The following NBDY variants were observed in gnomAD, a reference collection of about 807,000 sequenced individuals.
NBDY encodes P-body dissociating protein.
chrX:56,781,047 G>T (rs1449628048), intron 2 of NBDY, among the ~76,000 whole-genome samples: 1 of 111,192 alleles, frequency 9.0e-6, no homozygotes, highest in African/African-American at 3.3e-5. Flanking sequence ...CCCTCCTTTT[G>T]TGCCTTGGGA....
intron 2 of NBDY, among the ~76,000 whole-genome samples, chrX:56,754,794 C>G (rs866468777): frequency 9.2e-6 from 1 of 109,244 alleles, no homozygotes; most frequent in Non-Finnish European, 1.9e-5. Context: ...AAAATAATAG[C>G]AAAACAAACC....
chrX:56,781,367 G>C (rs1341002018), intron 2 of NBDY, among the ~76,000 whole-genome samples: 1 of 111,825 alleles, frequency 8.9e-6, no homozygotes, highest in African/African-American at 3.3e-5. Flanking sequence ...GATGGAGTGT[G>C]CGGGATGGGG....
chrX:56,732,298 A>T, intron 2 of NBDY, 99 bp downstream of exon 2: 1 of 286,287 alleles, frequency 3.5e-6, no homozygotes, highest in Non-Finnish European at 6.1e-6. Context: ...AAAAGATAGC[A>T]GCAAATGATA....
At chrX:56,763,048 A>G (rs902928273) in intron 2 of NBDY, among the ~76,000 whole-genome samples, 7 of 112,394 alleles carry the variant, frequency 6.2e-5, no homozygotes, top group Non-Finnish European at 1.1e-4. Context: ...AACAGGAGAC[A>G]GGGGAGAATT....
intron 2 of NBDY, among the ~76,000 whole-genome samples, chrX:56,808,365 C>T (rs755458155): frequency 1.1e-4 from 12 of 111,585 alleles, no homozygotes; most frequent in Non-Finnish European, 2.1e-4. Context: ...TGGTAGAATT[C>T]GTCTGTGAAT....
chrX:56,799,185 G>T (rs1253420835), intron 2 of NBDY, among the ~76,000 whole-genome samples: 1 of 112,236 alleles, frequency 8.9e-6, no homozygotes, highest in Non-Finnish European at 1.9e-5. Context: ...GGACAGGCAG[G>T]GGCGGCCCAC....
chrX:56,812,923 G>A (rs1477259008), intron 2 of NBDY, among the ~76,000 whole-genome samples: 2 of 111,045 alleles, frequency 1.8e-5, no homozygotes, highest in Non-Finnish European at 3.8e-5. Context: ...GGCCTGGAAG[G>A]AGGCTTCACT....
intron 2 of NBDY, among the ~76,000 whole-genome samples, chrX:56,816,123 T>C (rs1036222109): frequency 9.0e-6 from 1 of 111,488 alleles, no homozygotes; most frequent in Non-Finnish European, 1.9e-5. Flanking sequence ...TGGATGCCAT[T>C]AATTCATAGA....
At chrX:56,816,224 A>G (rs762133852) in intron 2 of NBDY, among the ~76,000 whole-genome samples, 31 of 111,215 alleles carry the variant, frequency 2.8e-4, no homozygotes, top group Non-Finnish European at 5.9e-4. Flanking sequence ...ACAAAAATAT[A>G]TGGCCAATAA....
intron 2 of NBDY, among the ~76,000 whole-genome samples, chrX:56,814,285 A>G (rs770503218): frequency 2.8e-5 from 3 of 107,003 alleles, no homozygotes; most frequent in Non-Finnish European, 3.9e-5. Flanking sequence ...ATTGAATGTT[A>G]TATGAAATAT....
intron 2 of NBDY, among the ~76,000 whole-genome samples, chrX:56,759,256 G>T (rs979123010): frequency 1.8e-5 from 2 of 112,047 alleles, no homozygotes; most frequent in African/African-American, 6.5e-5. Flanking sequence ...TCCTGGAATG[G>T]CAGCCCTATG....
At chrX:56,738,730 C>T (rs1165854523) in intron 2 of NBDY, among the ~76,000 whole-genome samples, 1 of 111,651 alleles carries the variant, frequency 9.0e-6, no homozygotes, top group Non-Finnish European at 1.9e-5. Flanking sequence ...TTAGGGTGTG[C>T]CACCCTCCTG....
intron 2 of NBDY, among the ~76,000 whole-genome samples, chrX:56,733,124 C>T (rs758804243): frequency 9.1e-5 from 10 of 110,080 alleles, no homozygotes; most frequent in Non-Finnish European, 1.9e-4. Flanking sequence ...AAATATTTCA[C>T]AGACTTTTAT....
At chrX:56,739,203 C>G (rs1408314776) in intron 2 of NBDY, among the ~76,000 whole-genome samples, 3 of 87,556 alleles carry the variant, frequency 3.4e-5, no homozygotes, top group African/African-American at 1.3e-4. Flanking sequence ...CCTAAAGTGC[C>G]CCAACATTAT....
rs763682039 is a variant in NBDY, at chrX:56,757,767, G to T, written c.*166+25568G>T. Among the ~76,000 whole-genome samples the T allele has an allele frequency of 9.0e-5, 10 of 111,357 alleles. No individual in the cohort carries two copies. In the East Asian group the frequency reaches 2.6e-3, roughly 28 times the overall value. On this transcript the variant is annotated intron_variant, in intron 2 of 2. Transcript: ENST00000374922. ...GTCTTCAAAAAATCCAACCATTGGGGCTGTAGCATGGTGGGGGGAGCTTGT... is the reference window on the plus strand; with the variant it reads ...GTCTTCAAAAAATCCAACCATTGGGTCTGTAGCATGGTGGGGGGAGCTTGT...
chrX:56,757,540 C>G (rs922120854), intron 2 of NBDY, among the ~76,000 whole-genome samples: 16 of 111,593 alleles, frequency 1.4e-4, no homozygotes, highest in Non-Finnish European at 3.0e-4. Flanking sequence ...AATGAGGAAC[C>G]AACTAAGGTA....
intron 1 of NBDY, among the ~76,000 whole-genome samples, chrX:56,730,542 A>C (rs1318806237): frequency 1.0e-5 from 1 of 99,843 alleles, no homozygotes; most frequent in African/African-American, 3.8e-5. Context: ...AAAAAAAAAA[A>C]AAAAGGAAGG....
intron 2 of NBDY, among the ~76,000 whole-genome samples, chrX:56,757,592 T>C (rs1458926462): frequency 3.6e-5 from 4 of 111,321 alleles, no homozygotes; most frequent in African/African-American, 6.6e-5. Context: ...CTTGACCACA[T>C]TGGGGAAACC....
chrX:56,741,570 G>C (rs1012495714), intron 2 of NBDY, among the ~76,000 whole-genome samples: 1 of 111,539 alleles, frequency 9.0e-6, no homozygotes, highest in Non-Finnish European at 1.9e-5. Context: ...TTGTAGTTTT[G>C]ATTTGCATTT....
Sources: gnomAD v4.1 joint callset for allele counts (sites outside exome capture counted in the v4.1 genomes callset) on GRCh38, gnomAD v4.1.1 for gene constraint, MANE v1.5 for transcripts, NCBI Gene and HGNC (gene_info 2026-07-23, HGNC 2026-07-21) for gene names.